NFYB: variants seen among roughly 807,000 people sequenced by gnomAD.
NFYB encodes CAAT box DNA-binding protein subunit B.
Under a neutral mutation model 28.0 loss-of-function variants are expected in NFYB, and 13 were observed. The ratio of observed to expected loss-of-function variants is 0.46; its 90% CI spans 0.30 to 0.74. NFYB has a LOEUF of 0.74. NFYB is among the 30% of genes least tolerant of loss of function. The pLI is 0.07. For synonymous variants in NFYB, 74 were observed against 75.0 expected, an observed-to-expected ratio of 0.99 and a Z score of 0.07; for missense variants, 142 against 247.6, an observed-to-expected ratio of 0.57 and a Z score of 2.86.
At position 104,119,127 on chromosome 12, in the gene NFYB, G is replaced by C. The variant is rs187621923; in HGVS notation, c.*610C>G. The C allele has an allele frequency of 2.6e-5, 4 of 152,646 alleles. No homozygotes were observed. The East Asian group carries it at 7.7e-4, about 29-fold the overall frequency. The allele number at this position is 152,646 out of a possible 1,614,324, so 9.5% of individuals were successfully genotyped here. ...AATGGGCACCAAGTTTAACAGGGCA[G>C]ACAATATTTGCTTCTGCATTCACAC... is the stretch of plus-strand genomic sequence containing the variant. On this transcript the variant is annotated 3_prime_UTR_variant, in exon 8 of 8. Transcript: ENST00000240055.
chr12:104,128,560 A>G, intron 2 of NFYB, 43 bp from the exon 3 acceptor site: 5 of 1,325,402 alleles, frequency 3.8e-6, no homozygotes, highest in Non-Finnish European at 5.4e-6. Context: ...TCAAAGTACT[A>G]ACAAACGTAA....
chr12:104,123,175 C>CA (rs376212712), intron 5 of NFYB, 51 bp downstream of exon 5: 182,348 of 991,204 alleles, frequency 0.18, 1,552 homozygotes, highest in Admixed American at 0.26. Context: ...TACTCCACCT[C>CA]AAAAAAAAAA....
chr12:104,135,319 G>A, intron 2 of NFYB, 129 bp downstream of exon 2: 1 of 693,490 alleles, frequency 1.4e-6, no homozygotes, highest in East Asian at 2.9e-5. Flanking sequence ...ATGAGCAGAG[G>A]TACTGTCTGT....
In NFYB at chr12:104,121,226, A is replaced by G. The variant is rs2030460222; in HGVS notation, c.511+14T>C. 2.1e-5 allele frequency: 34 copies of G among 1,596,438 alleles called. No individual in the cohort carries two copies. Among genetic ancestry groups the G allele is most frequent in the Middle Eastern group, 1.7e-4 (1 of 6,012 alleles). On this transcript the variant is annotated intron_variant, in intron 6 of 7. Coordinates refer to ENST00000240055, the MANE Select transcript of NFYB (RefSeq NM_006166.4). ...GCTAACAATCTACATGACTTGTATT[A>G]TAACAATGCTTACTAAATGCCTCCT...
chr12:104,125,500 A>AG (rs2030659109), intron 4 of NFYB: 1 of 154,216 alleles, frequency 6.5e-6, no homozygotes, highest in East Asian at 1.9e-4. Context: ...AAAAAAAAAA[A>AG]AAAGTTACAG....
At chr12:104,121,022 C>G (rs924244748) in intron 6 of NFYB, among the ~76,000 whole-genome samples, 14 of 152,132 alleles carry the variant, frequency 9.2e-5, no homozygotes, top group Admixed American at 4.6e-4. Context: ...CTACAGAACT[C>G]AGTCAGAACT....
chr12:104,123,206 A>G lies in NFYB; in HGVS notation c.429+20T>C. On this transcript the variant is annotated intron_variant, in intron 5 of 7. Transcript: ENST00000240055. ...AAAAAAGAAGAAAAAAAAAAGCACA[A>G]TGGGAGATATTTTATTTACCTCTCT... 6.3e-7 allele frequency: 1 copy of G among 1,578,406 alleles called. No homozygotes were observed. The highest frequency in any genetic ancestry group is 8.6e-7 in the Non-Finnish European group (1 of 1,158,714).
At chr12:104,131,267 T>C (rs1263286914) in intron 2 of NFYB, 1 of 152,962 alleles carries the variant, frequency 6.5e-6, no homozygotes, top group African/African-American at 2.4e-5. Flanking sequence ...AAGACAGTGT[T>C]TGGCACGTAG....
intron 1 of NFYB, chr12:104,137,727 C>A (rs1760669996): frequency 6.8e-6 from 1 of 147,886 alleles, no homozygotes; most frequent in Admixed American, 6.7e-5. Context: ...GCTACGGGGC[C>A]AGGGCCCGGG....
intron 5 of NFYB, among the ~76,000 whole-genome samples, chr12:104,121,809 C>G (rs764322539): frequency 9.2e-5 from 14 of 152,164 alleles, no homozygotes; most frequent in Non-Finnish European, 1.8e-4. Context: ...AAAATAATGT[C>G]AGGAATTTAC....
chr12:104,131,838 C>A (rs569434963), intron 2 of NFYB: 1 of 454,790 alleles, frequency 2.2e-6, no homozygotes, highest in Non-Finnish European at 4.4e-6. Context: ...TGTTACATAA[C>A]CTGGGAGGCA....
At chr12:104,134,298 T>A (rs567967089) in intron 2 of NFYB, among the ~76,000 whole-genome samples, 3 of 152,178 alleles carry the variant, frequency 2.0e-5, no homozygotes, top group Non-Finnish European at 4.4e-5. Context: ...TAATATCTCA[T>A]CACGGCAAAT....
At chr12:104,120,672 C>T (rs1027340366) in intron 6 of NFYB, among the ~76,000 whole-genome samples, 193 bp from the exon 7 acceptor site, 1 of 152,076 alleles carries the variant, frequency 6.6e-6, no homozygotes, top group Non-Finnish European at 1.5e-5. Flanking sequence ...TTTTATATTG[C>T]GTTTTTCAAT....
intron 7 of NFYB, 79 bp from the exon 8 acceptor site, chr12:104,119,848 G>A (rs986575578): frequency 1.3e-5 from 12 of 905,780 alleles, no homozygotes; most frequent in Non-Finnish European, 1.9e-5. Context: ...TAAAAATTCA[G>A]TGAATAAAAA....
chr12:104,119,672 G>A lies in NFYB; in HGVS notation c.*65C>T. 2 of 1,174,002 alleles carry A rather than the reference G, an allele frequency of 1.7e-6. No individual in the cohort carries two copies. Among genetic ancestry groups the A allele is most frequent in the Admixed American group, 1.8e-5 (1 of 54,504 alleles). 72.7% of individuals were successfully genotyped at this position (1,174,002 alleles called of 1,614,324 possible). Reference sequence around the variant, plus strand: ...CTTTTCACCAGTCTTTCCTTCTGATGTCTCTGTTCCAGAATCATACAGACT... The same window carrying A: ...CTTTTCACCAGTCTTTCCTTCTGATATCTCTGTTCCAGAATCATACAGACT... On this transcript the variant is annotated 3_prime_UTR_variant, in exon 8 of 8. Transcript: ENST00000240055.
chr12:104,122,770 T>C (rs1431511536), intron 5 of NFYB, among the ~76,000 whole-genome samples: 1 of 152,222 alleles, frequency 6.6e-6, no homozygotes, highest in Non-Finnish European at 1.5e-5. Context: ...ACTGCTGATA[T>C]AAGCAATTAA....
chr12:104,131,833 C>T (rs2030936435), intron 2 of NFYB: 1 of 455,362 alleles, frequency 2.2e-6, no homozygotes, highest in Non-Finnish European at 4.4e-6. Context: ...ACAAATGTTA[C>T]ATAACCTGGG....
rs2030360512 is a variant in NFYB at position 104,118,855 on chromosome 12, A to G, written c.*882T>C. ...ACATTTCAATTAAAAAGGTAAAATG[A>G]AGACATTTACCATCAGACTATAAAA... On this transcript the variant is annotated 3_prime_UTR_variant, in exon 8 of 8. Coordinates refer to ENST00000240055, the MANE Select transcript of NFYB (RefSeq NM_006166.4). The G allele has an allele frequency of 6.6e-6, 1 of 152,164 alleles. No individual in the cohort carries two copies. The highest frequency in any genetic ancestry group is 2.4e-5 in the African/African-American group (1 of 41,428). The allele number at this position is 152,164 out of a possible 1,614,324, so 9.4% of individuals were successfully genotyped here.
chr12:104,135,565 C>A, intron 1 of NFYB, 33 bp from the exon 2 acceptor site: 2 of 873,298 alleles, frequency 2.3e-6, no homozygotes, highest in Non-Finnish European at 1.7e-6. Flanking sequence ...GACCTAACAT[C>A]TATCAATAGT....
Sources: allele counts gnomAD v4.1 joint callset (sites outside exome capture counted in the v4.1 genomes callset), GRCh38; gene constraint gnomAD v4.1.1; transcripts MANE v1.5; gene names NCBI Gene and HGNC (gene_info 2026-07-23, HGNC 2026-07-21).